The following ARB2A variants were observed in gnomAD, a reference collection of about 807,000 sequenced individuals.
ARB2A encodes ARB2 cotranscriptional regulator A.
the ARB2A span, chr5:93,683,384 C>T: frequency 1.9e-6 from 3 of 1,601,340 alleles, no homozygotes; most frequent in Non-Finnish European, 2.5e-6. Flanking sequence ...GTGCTGTCCA[C>T]TAATATGCAC....
At chr5:93,778,927 G>T in the ARB2A span, among the ~76,000 whole-genome samples, 1 of 152,130 alleles carries the variant, frequency 6.6e-6, no homozygotes, top group African/African-American at 2.4e-5. Flanking sequence ...TTTTATGTTT[G>T]TAAAATTTCA....
chr5:93,690,708 G>T, the ARB2A span, among the ~76,000 whole-genome samples: 3 of 152,162 alleles, frequency 2.0e-5, no homozygotes, highest in African/African-American at 7.2e-5. Context: ...GCTCTGCTAA[G>T]GGACAGACTA....
At chr5:93,950,471 C>A in the ARB2A span, among the ~76,000 whole-genome samples, 2 of 151,626 alleles carry the variant, frequency 1.3e-5, no homozygotes, top group Non-Finnish European at 2.9e-5. Flanking sequence ...GGTGAAACCC[C>A]GTCTCTACAA....
At chr5:94,024,962 G>A in the ARB2A span, among the ~76,000 whole-genome samples, 1 of 152,196 alleles carries the variant, frequency 6.6e-6, no homozygotes, top group Non-Finnish European at 1.5e-5. Flanking sequence ...ATATAAAAGG[G>A]CCAACTCATG....
chr5:93,738,059 C>A, the ARB2A span: 2 of 333,090 alleles, frequency 6.0e-6, no homozygotes, highest in South Asian at 4.8e-5. Flanking sequence ...AAAATACTTG[C>A]AAACCATCTA....
chr5:93,990,576 A>C, the ARB2A span, among the ~76,000 whole-genome samples: 1 of 134,972 alleles, frequency 7.4e-6, no homozygotes. Flanking sequence ...GAAGGAGGAG[A>C]GGTTGGGAAC....
At chr5:93,755,444 G>C in the ARB2A span, among the ~76,000 whole-genome samples, 9 of 152,166 alleles carry the variant, frequency 5.9e-5, no homozygotes, top group Non-Finnish European at 1.3e-4. Flanking sequence ...GCAGAGGCTT[G>C]CATTGTGAAT....
chr5:93,830,313 A>ATGTGTGTGTATATG, the ARB2A span, among the ~76,000 whole-genome samples: 1 of 51,362 alleles, frequency 1.9e-5, no homozygotes, highest in Admixed American at 2.1e-4. Context: ...GTGTGTGTGT[A>ATGTGTGTGTATATG]TATATATATA....
the ARB2A span, among the ~76,000 whole-genome samples, chr5:93,841,281 G>C: frequency 6.6e-6 from 1 of 152,038 alleles, no homozygotes; most frequent in African/African-American, 2.4e-5. Flanking sequence ...GAAAAAGAAA[G>C]AATGGTAGCA....
chr5:93,828,360 A>C, the ARB2A span, among the ~76,000 whole-genome samples: 1 of 152,178 alleles, frequency 6.6e-6, no homozygotes, highest in African/African-American at 2.4e-5. Context: ...AGCAATTGTG[A>C]ATGGGAGTTC....
chr5:93,621,518 G>C, the ARB2A span, among the ~76,000 whole-genome samples: 1 of 152,212 alleles, frequency 6.6e-6, no homozygotes, highest in Non-Finnish European at 1.5e-5. Context: ...CCGCCTCTCC[G>C]GGCCAATGGA....
At chr5:94,103,160 C>T in the ARB2A span, among the ~76,000 whole-genome samples, 1 of 151,986 alleles carries the variant, frequency 6.6e-6, no homozygotes, top group Non-Finnish European at 1.5e-5. Flanking sequence ...ATCAAATGTT[C>T]ACATATCAAT....
chr5:93,716,124 TAA>T, the ARB2A span, among the ~76,000 whole-genome samples: 1 of 152,172 alleles, frequency 6.6e-6, no homozygotes, highest in Non-Finnish European at 1.5e-5. Context: ...GAAGGAGGTT[TAA>T]TAAGGTGAAG....
chr5:93,695,276 T>C, the ARB2A span, among the ~76,000 whole-genome samples: 1 of 152,186 alleles, frequency 6.6e-6, no homozygotes, highest in African/African-American at 2.4e-5. Flanking sequence ...GAGAAAATTT[T>C]TGCAATCTAT....
chr5:93,985,359 C>T, the ARB2A span, among the ~76,000 whole-genome samples: 2 of 151,828 alleles, frequency 1.3e-5, no homozygotes, highest in African/African-American at 4.8e-5. Flanking sequence ...GAAAAACATG[C>T]CCTCTCCCTC....
chr5:93,884,785 G>C, the ARB2A span, among the ~76,000 whole-genome samples: 1 of 151,536 alleles, frequency 6.6e-6, no homozygotes, highest in South Asian at 2.1e-4. Context: ...AAATATTTCT[G>C]TTAAATTAAT....
the ARB2A span, among the ~76,000 whole-genome samples, chr5:93,650,297 T>C: frequency 6.6e-6 from 1 of 152,182 alleles, no homozygotes; most frequent in Non-Finnish European, 1.5e-5. Context: ...AAAAATAGAA[T>C]ACTTTAACAG....
At chr5:93,621,202 G>A in the ARB2A span, 1 of 1,404,352 alleles carries the variant, frequency 7.1e-7, no homozygotes, top group Non-Finnish European at 9.4e-7. Flanking sequence ...CGAGGGCCAG[G>A]CCGAGCCCCG....
At chr5:93,929,289 G>C in the ARB2A span, among the ~76,000 whole-genome samples, 1 of 152,132 alleles carries the variant, frequency 6.6e-6, no homozygotes, top group Non-Finnish European at 1.5e-5. Context: ...CTGAATTATA[G>C]CCTAGAACAT....
Sources: allele counts gnomAD v4.1 joint callset (sites outside exome capture counted in the v4.1 genomes callset), GRCh38; gene constraint gnomAD v4.1.1; transcripts MANE v1.5; gene names NCBI Gene and HGNC (gene_info 2026-07-23, HGNC 2026-07-21).